Variants in CCDC93 observed in about 807,000 individuals in gnomAD.
The protein encoded by CCDC93 is CCC complex scaffolding subunit CCDC93.
CCDC93 carries 61 observed loss-of-function variants against 108.2 expected under a neutral mutation model. The ratio of observed to expected loss-of-function variants is 0.56; its 90% CI spans 0.46 to 0.70. The LOEUF is 0.70. CCDC93 is among the 30% of genes least tolerant of loss of function. The pLI is 0.00. For missense variants in CCDC93, 685 were observed against 764.2 expected, an observed-to-expected ratio of 0.90 and a Z score of 1.22; for synonymous variants, 276 against 260.4, an observed-to-expected ratio of 1.06 and a Z score of -0.58.
chr2:117,945,252 C>T (rs571311250), intron 17 of CCDC93, among the ~76,000 whole-genome samples: 19 of 152,368 alleles, frequency 1.2e-4, no homozygotes, highest in African/African-American at 4.3e-4. Flanking sequence ...GCAGGCCTCT[C>T]CCCTTCCCAG....
intron 1 of CCDC93, 28 bp downstream of exon 1, chr2:118,013,926 G>T (rs752766488): frequency 2.6e-6 from 4 of 1,544,810 alleles, no homozygotes; most frequent in Non-Finnish European, 3.5e-6. Context: ...GAACCCCGAC[G>T]TGTCAGGGAA....
intron 3 of CCDC93, among the ~76,000 whole-genome samples, chr2:118,003,575 C>T (rs1416172374): frequency 6.6e-6 from 1 of 152,088 alleles, no homozygotes; most frequent in Non-Finnish European, 1.5e-5. Flanking sequence ...TGCCTAGAAC[C>T]ATACATAATA....
intron 23 of CCDC93, among the ~76,000 whole-genome samples, chr2:117,925,196 G>C (rs1413031805): frequency 6.6e-6 from 1 of 152,148 alleles, no homozygotes; most frequent in African/African-American, 2.4e-5. Flanking sequence ...ATTGAGGCTA[G>C]GAAGAAACTG....
At chr2:117,948,077 T>A in intron 15 of CCDC93, 28 bp downstream of exon 15, 1 of 1,558,992 alleles carries the variant, frequency 6.4e-7, no homozygotes, top group Non-Finnish European at 8.8e-7. Context: ...GCGTCCTGGT[T>A]TATTTGCTGA....
chr2:117,997,576 CATGT>C (rs1680694217), intron 4 of CCDC93: 1 of 152,214 alleles, frequency 6.6e-6, no homozygotes, highest in African/African-American at 2.4e-5. Flanking sequence ...AAGTAAAGCA[CATGT>C]TTAGGAAATA....
chr2:117,987,950 G>A (rs1317114068), intron 6 of CCDC93, among the ~76,000 whole-genome samples: 3 of 152,000 alleles, frequency 2.0e-5, no homozygotes, highest in Non-Finnish European at 2.9e-5. Flanking sequence ...TTCTATAGAC[G>A]AACTTAGGCA....
chr2:117,938,674 C>T (rs1678600853), intron 20 of CCDC93, among the ~76,000 whole-genome samples: 1 of 152,148 alleles, frequency 6.6e-6, no homozygotes, highest in Admixed American at 6.6e-5. Context: ...GTATTTTCTC[C>T]CTGTAAACTA....
rs527287315 is a variant in CCDC93 at position 117,996,398 on chromosome 2, G to A, written c.364-36C>T. On this transcript the variant is annotated intron_variant, in intron 4 of 23. Transcript: ENST00000376300. Reference sequence around the variant, plus strand: ...AAGTGAAAAGACAAGAGTTGCTAAGGACAACATCCCACTGAAGTGAAGGCC... The same window carrying A: ...AAGTGAAAAGACAAGAGTTGCTAAGAACAACATCCCACTGAAGTGAAGGCC... 94 of 1,460,882 alleles carry A rather than the reference G, an allele frequency of 6.4e-5. 2 individuals are homozygous for A. The South Asian group carries it at 1.0e-3, about 16-fold the overall frequency. The allele number at this position is 1,460,882 out of a possible 1,614,324, so 90.5% of individuals were successfully genotyped here.
chr2:117,996,305 A>G lies in CCDC93; in HGVS notation c.421T>C (p.Tyr141His). 2 of 1,613,624 alleles carry G rather than the reference A, an allele frequency of 1.2e-6. No homozygotes were observed. Among genetic ancestry groups the G allele is most frequent in the South Asian group, 2.2e-5 (2 of 91,070 alleles). Reference protein sequence around the residue: ...KEEMGDYIRSYSVSQFQKTYS... With the variant: ...KEEMGDYIRSHSVSQFQKTYS... ...GTCTTCTGGAACTGGGATACAGAGT[A>G]GGAGCGGATATAGTCACCCATCTCT... is the stretch of plus-strand genomic sequence containing the variant. Residue 141 changes from tyrosine to histidine, a missense_variant, in exon 5 of 24, where the codon TAC (tyrosine) becomes CAC (histidine). Coordinates refer to ENST00000376300, the MANE Select transcript of CCDC93 (RefSeq NM_019044.5).
At chr2:118,000,472 C>T (rs1387944141) in intron 4 of CCDC93, among the ~76,000 whole-genome samples, 2 of 151,952 alleles carry the variant, frequency 1.3e-5, no homozygotes, top group Non-Finnish European at 2.9e-5. Context: ...CCAGAGAGTG[C>T]TAGAACAAAA....
intron 13 of CCDC93, chr2:117,951,696 A>G: frequency 1.0e-6 from 1 of 1,000,230 alleles, no homozygotes; most frequent in Non-Finnish European, 1.2e-6. Context: ...GGATGAGGAT[A>G]GTTCTCTGTG....
intron 14 of CCDC93, among the ~76,000 whole-genome samples, chr2:117,948,806 A>T (rs964632756): frequency 6.6e-6 from 1 of 152,240 alleles, no homozygotes; most frequent in South Asian, 2.1e-4. Flanking sequence ...GAAGCTAAAA[A>T]GGTCAAATGT....
Position 118,006,738 on chromosome 2 carries a change from TAG to T in CCDC93, c.233_234del (p.Ser78TyrfsTer58). ...VDVDLLFQENSTIGQKIALSE... is the reference protein window; with the variant it reads ...VDVDLLFQENXTIGQKIALSE... Reference sequence around the variant, plus strand: ...AAAACTTACATTTTTTGACCTATCGTAGAGTTTTCTTGAAAGAGCAAATCAAC... The same window carrying T: ...AAAACTTACATTTTTTGACCTATCGTAGTTTTCTTGAAAGAGCAAATCAAC... On this transcript the variant is annotated frameshift_variant, in exon 3 of 24. Coordinates refer to ENST00000376300, the MANE Select transcript of CCDC93 (RefSeq NM_019044.5). LOFTEE classifies it high-confidence loss of function. 3 of 1,609,152 alleles carry T rather than the reference TAG, an allele frequency of 1.9e-6. No homozygotes were observed. Among genetic ancestry groups the T allele is most frequent in the Non-Finnish European group, 2.6e-6 (3 of 1,175,464 alleles).
intron 3 of CCDC93, among the ~76,000 whole-genome samples, chr2:118,004,640 T>C (rs1022844035): frequency 6.6e-6 from 1 of 152,230 alleles, no homozygotes; most frequent in Admixed American, 6.5e-5. Context: ...AAAAGATTTT[T>C]AGATGACTCA....
chr2:118,000,418 C>T (rs897221134), intron 4 of CCDC93, among the ~76,000 whole-genome samples: 1 of 152,102 alleles, frequency 6.6e-6, no homozygotes, highest in African/African-American at 2.4e-5. Context: ...CGCAAAAGCA[C>T]TGTGACAGGT....
chr2:117,965,969 AGT>A (rs1679554826), intron 11 of CCDC93, among the ~76,000 whole-genome samples: 1 of 152,244 alleles, frequency 6.6e-6, no homozygotes, highest in Admixed American at 6.5e-5. Context: ...GTTTGGAAAA[AGT>A]GTAAGAGTTA....
Position 117,949,399 on chromosome 2 carries a change from C to T in CCDC93, c.1069-4G>A, listed in dbSNP as rs1678978587. ...GTTTCTCACTGTAAGTCTTCAGCTGCAAGAGAGAATGAAGACATGGTTGCT... is the reference window on the plus strand; with the variant it reads ...GTTTCTCACTGTAAGTCTTCAGCTGTAAGAGAGAATGAAGACATGGTTGCT... On this transcript the variant is annotated splice_polypyrimidine_tract_variant and splice_region_variant and intron_variant, in intron 13 of 23. Coordinates refer to ENST00000376300, the MANE Select transcript of CCDC93 (RefSeq NM_019044.5). 1 of 1,609,788 alleles carries T rather than the reference C, an allele frequency of 6.2e-7. No homozygotes were observed. Among genetic ancestry groups the T allele is most frequent in the Non-Finnish European group, 8.5e-7 (1 of 1,176,164 alleles).
At chr2:117,928,423 A>G (rs1348196184) in intron 23 of CCDC93, among the ~76,000 whole-genome samples, 1 of 152,240 alleles carries the variant, frequency 6.6e-6, no homozygotes, top group African/African-American at 2.4e-5. Context: ...CAAGAAAAAA[A>G]ACAACCCCAT....
intron 3 of CCDC93, among the ~76,000 whole-genome samples, chr2:118,005,364 C>T (rs1389986806): frequency 6.6e-6 from 1 of 152,144 alleles, no homozygotes; most frequent in East Asian, 1.9e-4. Context: ...GAAATACCAG[C>T]ACATCAAGAG....
Sources: allele counts gnomAD v4.1 joint callset (sites outside exome capture counted in the v4.1 genomes callset), GRCh38; gene constraint gnomAD v4.1.1; transcripts MANE v1.5; gene names NCBI Gene and HGNC (gene_info 2026-07-23, HGNC 2026-07-21).